The following KCNJ6 variants were observed in gnomAD, a reference collection of about 807,000 sequenced individuals.
KCNJ6 encodes the protein potassium inwardly rectifying channel subfamily J member 6.
A neutral mutation model predicts 34.2 loss-of-function variants in KCNJ6; 9 were observed. The ratio of observed to expected loss-of-function variants is 0.26; its 90% confidence interval spans 0.16 to 0.46. The LOEUF (loss-of-function observed/expected upper bound fraction) is 0.46. Ranked by LOEUF, KCNJ6 falls within the 20% of genes least tolerant of loss-of-function variation. KCNJ6 has a pLI of 1.00. For synonymous variants in KCNJ6, 196 were observed against 207.1 expected, an observed-to-expected ratio of 0.95 and a Z score of 0.46; for missense variants, 236 against 531.3, an observed-to-expected ratio of 0.44 and a Z score of 5.46.
At chr21:37,666,020 C>A (rs190283660) in intron 3 of KCNJ6, among the ~76,000 whole-genome samples, 1 of 152,184 alleles carries the variant, frequency 6.6e-6, no homozygotes, top group African/African-American at 2.4e-5. Flanking sequence ...ACCATGATGT[C>A]ATTTCATACC....
chr21:37,890,475 G>T (rs980544905), intron 1 of KCNJ6, among the ~76,000 whole-genome samples: 4 of 152,136 alleles, frequency 2.6e-5, no homozygotes, highest in Non-Finnish European at 5.9e-5. Context: ...CTAAGTAAAA[G>T]AGCTTAAGAC....
chr21:37,679,225 C>T (rs1007303597), intron 3 of KCNJ6, among the ~76,000 whole-genome samples: 1 of 152,162 alleles, frequency 6.6e-6, no homozygotes, highest in Non-Finnish European at 1.5e-5. Flanking sequence ...TTGATTGCAA[C>T]CTCATAAGTA....
chr21:37,702,530 G>A (rs1042095906), intron 3 of KCNJ6, among the ~76,000 whole-genome samples: 9 of 152,190 alleles, frequency 5.9e-5, no homozygotes, highest in African/African-American at 2.2e-4. Context: ...TAGAGGACTT[G>A]GGAAATCTCT....
At chr21:37,812,132 A>G (rs4306782) in intron 2 of KCNJ6, among the ~76,000 whole-genome samples, 266 of 152,322 alleles carry the variant, frequency 1.7e-3, no homozygotes, top group African/African-American at 5.9e-3. Context: ...TAGATTATTA[A>G]TTATAAATAA....
intron 2 of KCNJ6, among the ~76,000 whole-genome samples, chr21:37,721,096 C>T (rs1453703289): frequency 6.6e-6 from 1 of 152,132 alleles, no homozygotes; most frequent in Non-Finnish European, 1.5e-5. Context: ...AATAAACAAC[C>T]CATTCAGAAA....
At chr21:37,686,391 G>A (rs2123423508) in intron 3 of KCNJ6, among the ~76,000 whole-genome samples, 1 of 147,420 alleles carries the variant, frequency 6.8e-6, no homozygotes, top group South Asian at 2.2e-4. Context: ...GCCTATGATT[G>A]AAAAAATATG....
chr21:37,833,202 A>G (rs2055435314), intron 2 of KCNJ6, among the ~76,000 whole-genome samples: 1 of 151,966 alleles, frequency 6.6e-6, no homozygotes, highest in African/African-American at 2.4e-5. Flanking sequence ...TTTAGTGGAG[A>G]CGGGGTTTCA....
At chr21:37,779,119 C>A (rs919776749) in intron 2 of KCNJ6, among the ~76,000 whole-genome samples, 1 of 152,114 alleles carries the variant, frequency 6.6e-6, no homozygotes, top group Non-Finnish European at 1.5e-5. Flanking sequence ...ACTTTTAAAA[C>A]CATTGCATTA....
intron 2 of KCNJ6, among the ~76,000 whole-genome samples, chr21:37,744,567 A>G (rs891331623): frequency 6.6e-6 from 1 of 152,224 alleles, no homozygotes; most frequent in African/African-American, 2.4e-5. Context: ...CCTGTCCCCA[A>G]ACACCATCTT....
intron 2 of KCNJ6, among the ~76,000 whole-genome samples, chr21:37,829,115 G>A (rs1382486255): frequency 6.6e-6 from 1 of 151,852 alleles, no homozygotes; most frequent in African/African-American, 2.4e-5. Context: ...AGGTTGATGG[G>A]AGGATGAGCA....
chr21:37,888,660 T>C (rs910315246), intron 1 of KCNJ6, among the ~76,000 whole-genome samples: 3 of 152,160 alleles, frequency 2.0e-5, no homozygotes, highest in Non-Finnish European at 2.9e-5. Flanking sequence ...CTCCGTGAAG[T>C]TGGAGACCTG....
intron 1 of KCNJ6, among the ~76,000 whole-genome samples, chr21:37,874,148 C>T (rs759080313): frequency 7.9e-5 from 12 of 152,268 alleles, no homozygotes; most frequent in East Asian, 7.7e-4. Context: ...TGTCTGGGCC[C>T]GCAGTAGCAC....
At chr21:37,784,358 C>T (rs1055916158) in intron 2 of KCNJ6, among the ~76,000 whole-genome samples, 2 of 152,216 alleles carry the variant, frequency 1.3e-5, no homozygotes, top group Non-Finnish European at 2.9e-5. Context: ...TGTCCAAAGG[C>T]CTTTCCCTGC....
At chr21:37,739,654 G>A (rs923294456) in intron 2 of KCNJ6, among the ~76,000 whole-genome samples, 28 of 152,130 alleles carry the variant, frequency 1.8e-4, no homozygotes, top group African/African-American at 6.8e-4. Context: ...TGAGTGCTAT[G>A]CAAGCTCGTG....
chr21:37,761,629 GTGTGT>G (rs990550675), intron 2 of KCNJ6, among the ~76,000 whole-genome samples: 7 of 145,272 alleles, frequency 4.8e-5, no homozygotes, highest in South Asian at 4.4e-4. Context: ...TGTATGTGTT[GTGTGT>G]TGTGTTGTGT....
At chr21:37,716,266 G>A (rs2054790247) in intron 2 of KCNJ6, among the ~76,000 whole-genome samples, 1 of 152,080 alleles carries the variant, frequency 6.6e-6, no homozygotes, top group African/African-American at 2.4e-5. Context: ...AAAGGGTGGG[G>A]AAATGTTCTC....
chr21:37,845,090 G>A (rs773596492), intron 1 of KCNJ6, among the ~76,000 whole-genome samples: 13 of 152,080 alleles, frequency 8.5e-5, no homozygotes, highest in African/African-American at 1.9e-4. Context: ...CCTTACTCCC[G>A]CGGAAGTCAG....
At chr21:37,773,439 C>T (rs2055127244) in intron 2 of KCNJ6, among the ~76,000 whole-genome samples, 1 of 152,118 alleles carries the variant, frequency 6.6e-6, no homozygotes, top group Non-Finnish European at 1.5e-5. Context: ...CTATTCTCTC[C>T]TTCTTATGAG....
chr21:37,706,963 A>G (rs1035531585), intron 3 of KCNJ6, among the ~76,000 whole-genome samples: 7 of 152,250 alleles, frequency 4.6e-5, no homozygotes, highest in Non-Finnish European at 1.0e-4. Flanking sequence ...TTGCCTCAGA[A>G]GACCTGGGAG....
Sources: allele counts gnomAD v4.1 joint callset (sites outside exome capture counted in the v4.1 genomes callset), GRCh38; gene constraint gnomAD v4.1.1; transcripts MANE v1.5; gene names NCBI Gene and HGNC (gene_info 2026-07-23, HGNC 2026-07-21).